The following CCSER1 variants were observed in gnomAD, a reference collection of about 807,000 sequenced individuals.
CCSER1 encodes coiled-coil serine rich protein 1.
Under a neutral mutation model 82.0 loss-of-function variants are expected in CCSER1, and 41 were observed. The observed-to-expected ratio is 0.50, with a 90% CI of 0.39 to 0.65. CCSER1 has a LOEUF of 0.65. Among genes scored for constraint, CCSER1 ranks in the 30% least tolerant of loss-of-function variants. The pLI is 0.00. For missense variants in CCSER1, 1,119 were observed against 1,064.2 expected (o/e 1.05, Z -0.72); for synonymous variants, 414 against 383.9 (o/e 1.08, Z -0.92).
At chr4:90,691,562 GTA>G (rs201874881) in intron 6 of CCSER1, among the ~76,000 whole-genome samples, 59 of 146,914 alleles carry the variant, frequency 4.0e-4, no homozygotes, top group South Asian at 2.4e-3. Flanking sequence ...TCACATGTGT[GTA>G]TATCACATGT....
intron 5 of CCSER1, among the ~76,000 whole-genome samples, chr4:90,597,407 G>A (rs1210916126): frequency 6.6e-6 from 1 of 151,988 alleles, no homozygotes; most frequent in Non-Finnish European, 1.5e-5. Flanking sequence ...TTATTAAGAT[G>A]TGATTGGCAT....
At chr4:90,673,898 A>G (rs982673966) in intron 6 of CCSER1, among the ~76,000 whole-genome samples, 2 of 152,034 alleles carry the variant, frequency 1.3e-5, no homozygotes, top group African/African-American at 4.8e-5. Flanking sequence ...TGGGGTGACC[A>G]TCTATGTTAA....
At chr4:91,467,136 TG>T (rs1756960745) in intron 10 of CCSER1, among the ~76,000 whole-genome samples, 1 of 152,150 alleles carries the variant, frequency 6.6e-6, no homozygotes, top group South Asian at 2.1e-4. Context: ...CAAAACAGCA[TG>T]GTACTGGTAC....
At chr4:90,383,958 TTGCTA>T (rs1749611769) in intron 3 of CCSER1, among the ~76,000 whole-genome samples, 1 of 151,866 alleles carries the variant, frequency 6.6e-6, no homozygotes, top group South Asian at 2.1e-4. Flanking sequence ...AGACAGGGTC[TTGCTA>T]TGTTGTCCAG....
intron 10 of CCSER1, among the ~76,000 whole-genome samples, chr4:91,553,402 C>T (rs1024308917): frequency 6.6e-6 from 1 of 151,470 alleles, no homozygotes; most frequent in Non-Finnish European, 1.5e-5. Flanking sequence ...CAGGGTCATT[C>T]TGGCCTCATA....
intron 5 of CCSER1, among the ~76,000 whole-genome samples, chr4:90,624,509 C>G (rs6829374): frequency 0.15 from 22,671 of 152,130 alleles, 1,935 homozygotes; most frequent in East Asian, 0.35. Context: ...AACTTGTCTG[C>G]CATACTGACG....
intron 4 of CCSER1, among the ~76,000 whole-genome samples, chr4:90,411,822 C>A (rs905382296): frequency 6.6e-6 from 1 of 152,124 alleles, no homozygotes; most frequent in African/African-American, 2.4e-5. Flanking sequence ...GGAAAAGAGG[C>A]AGTCAAATTG....
At chr4:90,646,327 G>A (rs1727595396) in intron 6 of CCSER1, among the ~76,000 whole-genome samples, 1 of 152,112 alleles carries the variant, frequency 6.6e-6, no homozygotes. Context: ...GTATGTGTGT[G>A]TGCAGGAACA....
intron 7 of CCSER1, among the ~76,000 whole-genome samples, chr4:90,758,236 C>T (rs1223850589): frequency 1.3e-5 from 2 of 152,130 alleles, no homozygotes; most frequent in Admixed American, 1.3e-4. Flanking sequence ...TTGTTTCTTA[C>T]ATCAAGAACC....
intron 1 of CCSER1, among the ~76,000 whole-genome samples, chr4:90,282,551 G>A (rs1258527699): frequency 6.6e-6 from 1 of 151,700 alleles, no homozygotes; most frequent in East Asian, 1.9e-4. Flanking sequence ...AGCATTTTGA[G>A]TGGTTAAATA....
At chr4:90,427,161 T>C (rs1042667980) in intron 4 of CCSER1, among the ~76,000 whole-genome samples, 1 of 152,022 alleles carries the variant, frequency 6.6e-6, no homozygotes, top group African/African-American at 2.4e-5. Flanking sequence ...TGGAAACTAA[T>C]ATAGATAGTT....
chr4:91,151,375 T>C (rs1730182596), intron 10 of CCSER1, among the ~76,000 whole-genome samples: 1 of 152,204 alleles, frequency 6.6e-6, no homozygotes, highest in South Asian at 2.1e-4. Context: ...TCTTCATTAG[T>C]CTTGCTAGTG....
At chr4:91,519,813 T>C (rs895487878) in intron 10 of CCSER1, among the ~76,000 whole-genome samples, 1 of 152,218 alleles carries the variant, frequency 6.6e-6, no homozygotes, top group Non-Finnish European at 1.5e-5. Flanking sequence ...GTTGTTTCCT[T>C]GATGAATCCC....
intron 1 of CCSER1, among the ~76,000 whole-genome samples, chr4:90,272,696 G>T (rs1376098674): frequency 6.6e-6 from 1 of 152,150 alleles, no homozygotes; most frequent in Non-Finnish European, 1.5e-5. Context: ...AGAAAGTGTG[G>T]TACATATACA....
chr4:91,382,649 G>A (rs144069456), intron 10 of CCSER1, among the ~76,000 whole-genome samples: 1,942 of 152,208 alleles, frequency 0.013, 37 homozygotes, highest in African/African-American at 0.045. Flanking sequence ...GACCCATTGC[G>A]CTTCTTGGGT....
At chr4:90,286,970 G>A (rs991579793) in intron 1 of CCSER1, among the ~76,000 whole-genome samples, 1 of 151,976 alleles carries the variant, frequency 6.6e-6, no homozygotes, top group African/African-American at 2.4e-5. Flanking sequence ...GAAAAATAAT[G>A]TAGTGTGATT....
intron 5 of CCSER1, among the ~76,000 whole-genome samples, chr4:90,506,133 A>C (rs146542119): frequency 1.8e-4 from 27 of 152,346 alleles, no homozygotes; most frequent in Middle Eastern, 3.4e-3. Flanking sequence ...GTATGAGCAC[A>C]AGAAGCAGAG....
At chr4:91,327,530 C>A (rs1025644190) in intron 10 of CCSER1, among the ~76,000 whole-genome samples, 3 of 152,228 alleles carry the variant, frequency 2.0e-5, no homozygotes, top group African/African-American at 7.2e-5. Context: ...ATGGGAGGGG[C>A]TGCCATGAAG....
chr4:91,459,080 T>C (rs2149428694), intron 10 of CCSER1, among the ~76,000 whole-genome samples: 1 of 152,250 alleles, frequency 6.6e-6, no homozygotes, highest in African/African-American at 2.4e-5. Flanking sequence ...AAATCAATTT[T>C]AAATAATCAA....
Sources: gnomAD v4.1 joint callset for allele counts (sites outside exome capture counted in the v4.1 genomes callset) on GRCh38, gnomAD v4.1.1 for gene constraint, MANE v1.5 for transcripts, NCBI Gene and HGNC (gene_info 2026-07-23, HGNC 2026-07-21) for gene names.